ATP10B: variants seen among roughly 807,000 people sequenced by gnomAD.
The protein encoded by ATP10B is ATPase phospholipid transporting 10B (putative).
A neutral mutation model predicts 141.2 loss-of-function variants in ATP10B; 122 were observed. That is an observed-to-expected ratio of 0.86 (90% CI 0.75 to 1.00). The LOEUF (loss-of-function observed/expected upper bound fraction) is 1.00, where lower values mean the gene tolerates loss of function less well. Among genes scored for constraint, ATP10B ranks in the 50% least tolerant of loss-of-function variants. ATP10B has a pLI of 0.00. For missense variants in ATP10B, 1,876 were observed against 1,825.3 expected, an observed-to-expected ratio of 1.03 and a Z score of -0.51; for synonymous variants, 685 against 692.0, an observed-to-expected ratio of 0.99 and a Z score of 0.16.
At chr5:160,910,336 T>C in the ATP10B span, among the ~76,000 whole-genome samples, 2 of 152,328 alleles carry the variant, frequency 1.3e-5, no homozygotes, top group East Asian at 1.9e-4. Flanking sequence ...TTATTCATAG[T>C]ATTCATCACT....
rs1481279285 is a variant in ATP10B, at chr5:160,636,344, C to G, written c.1001-35G>C. 7 of 1,605,958 alleles carry G rather than the reference C, an allele frequency of 4.4e-6. No homozygotes were observed. The Admixed American group carries it at 1.2e-4, about 27-fold the overall frequency. ...GGCAAAACCAGGAATGAGGCTGAAT[C>G]TCTACTAAGTCCTAAAGTTGGTCAA... On this transcript the variant is annotated intron_variant, in intron 10 of 25. Coordinates refer to ENST00000327245, the MANE Select transcript of ATP10B (RefSeq NM_025153.3).
chr5:160,888,017 C>T, the ATP10B span, among the ~76,000 whole-genome samples: 5 of 152,208 alleles, frequency 3.3e-5, no homozygotes, highest in Non-Finnish European at 7.3e-5. Context: ...ATGGTAATTG[C>T]TCAAATATTT....
At chr5:160,824,395 G>A (rs1774415716) in intron 1 of ATP10B, among the ~76,000 whole-genome samples, 1 of 152,184 alleles carries the variant, frequency 6.6e-6, no homozygotes, top group South Asian at 2.1e-4. Flanking sequence ...AACCTAAGAA[G>A]CTCAGGAGTA....
At chr5:160,884,672 A>G in the ATP10B span, among the ~76,000 whole-genome samples, 1 of 152,120 alleles carries the variant, frequency 6.6e-6, no homozygotes, top group Admixed American at 6.6e-5. Flanking sequence ...CATTATGGCA[A>G]TTGATATAAG....
At position 160,634,598 on chromosome 5, in the gene ATP10B, G is replaced by A. The variant is rs1176834057; in HGVS notation, c.1137C>T (p.Ile379=). The A allele has an allele frequency of 6.2e-7, 1 of 1,607,622 alleles. No homozygotes were observed. The part of the protein sequence containing the change: ...LTMIILLQVL[I]PISLYVSIEL... ...CAATGGAGACATACAAAGAGATGGG[G>A]ATCAGCACCTGAAAAGAGATGAGTT... The change falls in exon 12 of 26, where the codon ATC becomes ATT. Residue 379 remains isoleucine (I), a synonymous_variant. Coordinates refer to ENST00000327245, the MANE Select transcript of ATP10B (RefSeq NM_025153.3).
chr5:160,838,093 A>T (rs1040127761), intron 1 of ATP10B, among the ~76,000 whole-genome samples: 5 of 152,178 alleles, frequency 3.3e-5, no homozygotes, highest in Non-Finnish European at 7.4e-5. Context: ...TGAAAGCCCC[A>T]GGTTGCTGAA....
chr5:160,584,765 G>A (rs148191872), intron 24 of ATP10B, among the ~76,000 whole-genome samples: 2,372 of 152,068 alleles, frequency 0.016, 28 homozygotes, highest in Middle Eastern at 0.075. Flanking sequence ...CTTTTTTTGT[G>A]AGGGCCTATG....
intron 3 of ATP10B, among the ~76,000 whole-genome samples, chr5:160,691,199 C>T (rs1480710551): frequency 6.6e-6 from 1 of 151,984 alleles, no homozygotes; most frequent in African/African-American, 2.4e-5. Context: ...CACACCAGGG[C>T]CTGTTGTGGG....
chr5:160,863,685 A>T, the ATP10B span, among the ~76,000 whole-genome samples: 1 of 152,070 alleles, frequency 6.6e-6, no homozygotes, highest in Non-Finnish European at 1.5e-5. Flanking sequence ...AAAGATAAAT[A>T]AAATTGGTAG....
intron 1 of ATP10B, among the ~76,000 whole-genome samples, chr5:160,840,549 G>A (rs1775751080): frequency 6.6e-6 from 1 of 151,918 alleles, no homozygotes; most frequent in Non-Finnish European, 1.5e-5. Flanking sequence ...TCATATATAG[G>A]AAAATAAATG....
chr5:160,782,294 C>A (rs949019817), intron 2 of ATP10B, among the ~76,000 whole-genome samples: 1 of 152,144 alleles, frequency 6.6e-6, no homozygotes. Context: ...CACAGAGAGA[C>A]GTTGCTGAAG....
At chr5:160,733,692 C>T (rs200231001) in intron 2 of ATP10B, among the ~76,000 whole-genome samples, 2 of 137,786 alleles carry the variant, frequency 1.5e-5, no homozygotes, top group South Asian at 2.2e-4. Flanking sequence ...TACACACACA[C>T]ATATATATAT....
chr5:160,635,983 TCCA>T, intron 11 of ATP10B, among the ~76,000 whole-genome samples, 196 bp downstream of exon 11: 1 of 152,198 alleles, frequency 6.6e-6, no homozygotes, highest in East Asian at 1.9e-4. Flanking sequence ...CAGAGTCCCC[TCCA>T]CAAGGCAGGG....
intron 1 of ATP10B, among the ~76,000 whole-genome samples, chr5:160,797,570 A>G (rs1301012112): frequency 1.3e-5 from 2 of 152,200 alleles, no homozygotes; most frequent in African/African-American, 2.4e-5. Context: ...AGTGCCTAGC[A>G]TTTGGCCTTT....
chr5:160,824,236 T>G (rs1774404268), intron 1 of ATP10B, among the ~76,000 whole-genome samples: 1 of 152,104 alleles, frequency 6.6e-6, no homozygotes, highest in African/African-American at 2.4e-5. Flanking sequence ...CAGGATGGTC[T>G]CGATCTCCTG....
At chr5:160,845,086 T>G (rs1398760527) in intron 1 of ATP10B, among the ~76,000 whole-genome samples, 2 of 152,170 alleles carry the variant, frequency 1.3e-5, no homozygotes, top group African/African-American at 4.8e-5. Flanking sequence ...AAATCTGGTG[T>G]TAAAAGATAT....
chr5:160,709,774 C>T (rs1290792879), intron 3 of ATP10B, among the ~76,000 whole-genome samples: 1 of 115,312 alleles, frequency 8.7e-6, no homozygotes, highest in Admixed American at 8.6e-5. Flanking sequence ...CCCGACCCCA[C>T]CACAGTCCCC....
At chr5:160,661,693 A>G (rs917545965) in intron 7 of ATP10B, among the ~76,000 whole-genome samples, 1 of 152,228 alleles carries the variant, frequency 6.6e-6, no homozygotes, top group African/African-American at 2.4e-5. Context: ...CCAATATCAT[A>G]CTGAATGGGC....
intron 7 of ATP10B, among the ~76,000 whole-genome samples, chr5:160,666,115 A>G (rs1762303281): frequency 6.6e-6 from 1 of 152,140 alleles, no homozygotes; most frequent in Non-Finnish European, 1.5e-5. Flanking sequence ...AAGTACCTAG[A>G]TGGTAGTTTT....
Sources: gnomAD v4.1 joint callset for allele counts (sites outside exome capture counted in the v4.1 genomes callset) on GRCh38, gnomAD v4.1.1 for gene constraint, MANE v1.5 for transcripts, NCBI Gene and HGNC (gene_info 2026-07-23, HGNC 2026-07-21) for gene names.